The following EPHA7 variants were observed in gnomAD, a reference collection of about 807,000 sequenced individuals.
EPHA7 encodes the protein EPH receptor A7.
Under a neutral mutation model 112.6 loss-of-function variants are expected in EPHA7, and 25 were observed. The observed-to-expected ratio is 0.22, with a 90% CI of 0.16 to 0.31. The LOEUF is 0.31. Ranked by LOEUF, EPHA7 falls within the 10% of genes least tolerant of loss-of-function variation. The pLI, the probability that EPHA7 is intolerant of heterozygous loss-of-function variation, is 1.00. For synonymous variants in EPHA7, 437 were observed against 406.5 expected (o/e 1.07, Z -0.90); for missense variants, 962 against 1,212.6 (o/e 0.79, Z 3.07).
chr6:93,256,121 G>C (rs915347353), intron 12 of EPHA7, 84 bp from the exon 13 acceptor site: 4 of 1,227,614 alleles, frequency 3.3e-6, no homozygotes, highest in Non-Finnish European at 4.7e-6. Context: ...CTGCGTGCTA[G>C]CAATTTGCTA....
intron 3 of EPHA7, among the ~76,000 whole-genome samples, chr6:93,363,216 G>C (rs1776341718): frequency 6.6e-6 from 1 of 152,072 alleles, no homozygotes; most frequent in African/African-American, 2.4e-5. Flanking sequence ...TAGGTGTTCA[G>C]AACCAACATC....
At chr6:93,366,140 G>GA (rs963957333) in intron 3 of EPHA7, among the ~76,000 whole-genome samples, 12 of 150,006 alleles carry the variant, frequency 8.0e-5, no homozygotes, top group Non-Finnish European at 1.5e-4. Context: ...TGATAAAAAA[G>GA]AAAAAAAAAG....
At chr6:93,369,630 C>T (rs1776686540) in intron 3 of EPHA7, among the ~76,000 whole-genome samples, 1 of 152,152 alleles carries the variant, frequency 6.6e-6, no homozygotes, top group South Asian at 2.1e-4. Context: ...AACATACCAC[C>T]ACTATGTCAT....
chr6:93,257,803 TG>T (rs1770504927), intron 11 of EPHA7, among the ~76,000 whole-genome samples: 1 of 152,076 alleles, frequency 6.6e-6, no homozygotes, highest in Non-Finnish European at 1.5e-5. Flanking sequence ...TTATGTAAAA[TG>T]TAAAGACTAT....
rs377435864 is a variant in EPHA7, at chr6:93,410,725, T to C, written c.608A>G (p.Lys203Arg). ...IALVSVKVYY[K>R]KCWSIIENLA... ...GTTCTCAATAATGGACCAGCACTTCTTGTAGTACACTTTGACAGAAACCAA... is the reference window on the plus strand; with the variant it reads ...GTTCTCAATAATGGACCAGCACTTCCTGTAGTACACTTTGACAGAAACCAA... The change falls in exon 3 of 17, where the codon AAG (lysine) becomes AGG (arginine). Residue 203 changes from lysine to arginine, a missense_variant. Around this residue, in one of 3 missense-constraint regions of EPHA7, gnomAD observed 160 missense variants for 263.6 expected, o/e 0.61. Transcript: ENST00000369303. This position sits in a 1 kb window ranked among gnomAD's most constrained non-coding sequence, Gnocchi z 4.0. The C allele has an allele frequency of 1.1e-5, 17 of 1,613,936 alleles. No homozygotes were observed. The highest frequency in any genetic ancestry group is 5.0e-5 in the Admixed American group (3 of 59,966).
At chr6:93,371,948 A>G (rs1776820815) in intron 3 of EPHA7, among the ~76,000 whole-genome samples, 1 of 152,190 alleles carries the variant, frequency 6.6e-6, no homozygotes, top group Admixed American at 6.5e-5. Context: ...ACAGATTGTG[A>G]AGACATACTG....
At chr6:93,290,802 C>T (rs1772320100) in intron 5 of EPHA7, among the ~76,000 whole-genome samples, 2 of 152,076 alleles carry the variant, frequency 1.3e-5, no homozygotes, top group African/African-American at 4.8e-5. Context: ...CTTACGAATG[C>T]CCAGTGTCCT....
intron 3 of EPHA7, among the ~76,000 whole-genome samples, chr6:93,405,811 GTGTATATATATATATATATATATA>G (rs1485116634): frequency 1.7e-5 from 1 of 58,956 alleles, no homozygotes; most frequent in Non-Finnish European, 2.9e-5. Flanking sequence ...GTGTGTGTGT[GTGTATATATATATATATATATATA>G]TATATATATA....
chr6:93,269,333 T>C (rs1039888476), intron 7 of EPHA7, 144 bp downstream of exon 7: 1 of 590,092 alleles, frequency 1.7e-6, no homozygotes, highest in African/African-American at 2.0e-5. Flanking sequence ...TATGAACTTT[T>C]ACAAAGTACA....
Position 93,240,405 on chromosome 6 carries a change from T to G in EPHA7, c.*3021A>C. On this transcript the variant is annotated 3_prime_UTR_variant, in exon 17 of 17. Coordinates refer to ENST00000369303, the MANE Select transcript of EPHA7 (RefSeq NM_004440.4). ...ATTTTAATTGTCTTAAAAACACGGA[T>G]AAGAAGAGCAATTAAAATATAGTCC... is the stretch of plus-strand genomic sequence containing the variant. 1 of 219,812 alleles carries G rather than the reference T, an allele frequency of 4.5e-6. No individual in the cohort carries two copies. The allele number at this position is 219,812 out of a possible 1,614,324, so 13.6% of individuals were successfully genotyped here.
chr6:93,245,359 T>C lies in EPHA7; in HGVS notation c.2821A>G (p.Lys941Glu). ...WLQAIKMERY[K>E]DNFTAAGYNS... is the part of the protein sequence containing the mutation. ...TAGCCAGCTGCCGTGAAATTATCTT[T>C]ATATCTTTCCATCTTAATAGCTTGT... The change falls in exon 16 of 17, where the codon AAA becomes GAA. Residue 941 changes from lysine to glutamate, a missense_variant. This residue lies in a region of EPHA7 where 746 missense variants were observed against 889.2 expected (regional missense o/e 0.84). Transcript: ENST00000369303. 1.2e-6 allele frequency: 2 copies of C among 1,613,798 alleles called. No homozygotes were observed. The highest frequency in any genetic ancestry group is 1.7e-6 in the Non-Finnish European group (2 of 1,179,904).
At chr6:93,382,164 G>A (rs1487876553) in intron 3 of EPHA7, among the ~76,000 whole-genome samples, 2 of 152,078 alleles carry the variant, frequency 1.3e-5, no homozygotes, top group Non-Finnish European at 2.9e-5. Flanking sequence ...GTAGACGAGT[G>A]GTCCCCAACC....
At chr6:93,257,588 T>A (rs1481908410) in intron 11 of EPHA7, 65 bp from the exon 12 acceptor site, 5 of 1,042,320 alleles carry the variant, frequency 4.8e-6, no homozygotes, top group African/African-American at 1.6e-5. Flanking sequence ...TCCTTTCTCA[T>A]CCCCCAATAA....
At position 93,264,666 on chromosome 6, in the gene EPHA7, A is replaced by T; in HGVS notation, c.1670T>A (p.Ile557Asn). 1.9e-6 allele frequency: 3 copies of T among 1,607,164 alleles called. No individual in the cohort carries two copies. The highest frequency in any genetic ancestry group is 2.6e-6 in the Non-Finnish European group (3 of 1,175,650). The stretch of plus-strand genomic sequence containing the variant: ...CCCAGCTACAGCAACCACAGCAATG[A>T]TAATAACAGGATTCTGTTCACTGGA... ...AVSSEQNPVI[I>N]IAVVAVAGTI... is the part of the protein sequence containing the mutation. The change falls in exon 8 of 17, where the codon ATC becomes AAC. Residue 557 changes from isoleucine (I) to asparagine (N), a missense_variant. Transcript: ENST00000369303.
Position 93,267,412 on chromosome 6 carries a change from C to A in EPHA7, c.1633+2065G>T, listed in dbSNP as rs1321553741. ...ACTCCTATAACCGGACATGGCAGAG[C>A]AGAGAGATTTGAAACCAGGCAGCTC... On this transcript the variant is annotated intron_variant, in intron 7 of 16. Transcript: ENST00000369303. Among the ~76,000 whole-genome samples, 3 of 151,782 alleles carry A rather than the reference C, an allele frequency of 2.0e-5. No homozygotes were observed. The East Asian group carries it at 5.9e-4, about 30-fold the overall frequency.
chr6:93,330,966 C>T (rs1774564151), intron 5 of EPHA7, among the ~76,000 whole-genome samples: 1 of 151,370 alleles, frequency 6.6e-6, no homozygotes, highest in Non-Finnish European at 1.5e-5. Flanking sequence ...AACATGCACA[C>T]CTACCCACAA....
At chr6:93,406,619 A>G (rs1778734204) in intron 3 of EPHA7, among the ~76,000 whole-genome samples, 1 of 151,826 alleles carries the variant, frequency 6.6e-6, no homozygotes, top group Non-Finnish European at 1.5e-5. Flanking sequence ...AGAGAAAAAT[A>G]ATAATATTTT....
chr6:93,279,160 T>C (rs1004591980), intron 5 of EPHA7, among the ~76,000 whole-genome samples: 3 of 152,164 alleles, frequency 2.0e-5, no homozygotes, highest in Non-Finnish European at 4.4e-5. Flanking sequence ...CTAAGGTACT[T>C]TTCCCTGAAG....
intron 5 of EPHA7, among the ~76,000 whole-genome samples, chr6:93,341,444 A>C (rs2127921015): frequency 6.6e-6 from 1 of 151,854 alleles, no homozygotes; most frequent in Non-Finnish European, 1.5e-5. Flanking sequence ...CTTTGACATT[A>C]ATCAGTTTCG....
Sources: gnomAD v4.1 joint callset for allele counts (sites outside exome capture counted in the v4.1 genomes callset) on GRCh38, gnomAD v4.1.1 for gene constraint, gnomAD v4.1.1 regional missense constraint, Gnocchi (gnomAD v3.1) non-coding constraint, MANE v1.5 for transcripts, NCBI Gene and HGNC (gene_info 2026-07-23, HGNC 2026-07-21) for gene names.